Variants in SLC20A2 observed in about 807,000 individuals in gnomAD.
SLC20A2 encodes solute carrier family 20 member 2, also known as sodium-dependent phosphate transporter 2.
A neutral mutation model predicts 61.0 loss-of-function variants in SLC20A2; 30 were observed. That is an observed-to-expected ratio of 0.49 (90% CI 0.37 to 0.67). SLC20A2 has a LOEUF of 0.67. Ranked by LOEUF, SLC20A2 falls within the 30% of genes least tolerant of loss-of-function variation. The probability of loss-of-function intolerance (pLI) is 0.00; values close to 1 mark genes in which losing one functional copy is unlikely to be tolerated. For missense variants in SLC20A2, 626 were observed against 866.4 expected (o/e 0.72, Z 3.48); for synonymous variants, 351 against 353.3 (o/e 0.99, Z 0.07).
At chr8:42,435,618 C>T (rs369933325) in intron 8 of SLC20A2, among the ~76,000 whole-genome samples, 58 of 145,004 alleles carry the variant, frequency 4.0e-4, no homozygotes, top group African/African-American at 1.3e-3. Context: ...CAGGCCTGGG[C>T]GTGGGGTGGG....
intron 10 of SLC20A2, among the ~76,000 whole-genome samples, chr8:42,419,232 C>T (rs959356466): frequency 6.6e-6 from 1 of 152,002 alleles, no homozygotes; most frequent in Admixed American, 6.6e-5. Context: ...TCCCCTTCTG[C>T]TAAAGATTTC....
chr8:42,517,973 T>C (rs1377651674), intron 1 of SLC20A2, among the ~76,000 whole-genome samples: 5 of 152,286 alleles, frequency 3.3e-5, no homozygotes, highest in African/African-American at 1.2e-4. Context: ...CCGAGTCTTG[T>C]TCTGTCACCC....
upstream of SLC20A2, among the ~76,000 whole-genome samples, chr8:42,501,935 A>G (rs946549592): frequency 7.2e-5 from 11 of 152,258 alleles, no homozygotes; most frequent in African/African-American, 2.7e-4. Context: ...TGACACTTAA[A>G]AGAAAATCAG....
chr8:42,505,067 GA>G (rs145217738), upstream of SLC20A2, among the ~76,000 whole-genome samples: 2,179 of 148,746 alleles, frequency 0.015, 66 homozygotes, highest in African/African-American at 0.052. Flanking sequence ...GCGGGGAGAG[GA>G]AGGAGGGTGC....
chr8:42,531,985 ATT>A (rs11323818), intron 1 of SLC20A2, among the ~76,000 whole-genome samples: 167 of 143,354 alleles, frequency 1.2e-3, no homozygotes, highest in Non-Finnish European at 1.1e-3. Flanking sequence ...CGCCTGGCTA[ATT>A]TTTTTTTTTT....
chr8:42,455,666 G>A (rs940821665), intron 5 of SLC20A2, among the ~76,000 whole-genome samples: 1 of 151,912 alleles, frequency 6.6e-6, no homozygotes. Context: ...AAAAAAATTT[G>A]TTAAGGTTGA....
At chr8:42,530,746 T>TA (rs1445595618) in intron 1 of SLC20A2, among the ~76,000 whole-genome samples, 3 of 152,122 alleles carry the variant, frequency 2.0e-5, no homozygotes, top group Non-Finnish European at 4.4e-5. Flanking sequence ...GAGACAGTCT[T>TA]ACTCTGTCAC....
intron 1 of SLC20A2, among the ~76,000 whole-genome samples, chr8:42,526,029 G>A (rs1306949050): frequency 6.6e-6 from 1 of 152,202 alleles, no homozygotes; most frequent in Non-Finnish European, 1.5e-5. Context: ...CCCTCAAGGA[G>A]GTAGGCATAA....
intron 8 of SLC20A2, among the ~76,000 whole-genome samples, chr8:42,433,994 C>A (rs924139142): frequency 6.6e-6 from 1 of 152,178 alleles, no homozygotes; most frequent in African/African-American, 2.4e-5. Flanking sequence ...GTTACAATTT[C>A]TCTACATCCT....
intron 6 of SLC20A2, 124 bp downstream of exon 6, chr8:42,444,522 G>A (rs530084520): frequency 1.4e-6 from 1 of 714,184 alleles, no homozygotes; most frequent in African/African-American, 1.8e-5. Context: ...GACAGAGGAT[G>A]GGGTATGTTC....
chr8:42,476,197 C>G (rs1026780743), intron 1 of SLC20A2, among the ~76,000 whole-genome samples: 1 of 149,180 alleles, frequency 6.7e-6, no homozygotes, highest in Non-Finnish European at 1.5e-5. Flanking sequence ...CCTGGGTTCA[C>G]GCCATTCTCC....
intron 10 of SLC20A2, among the ~76,000 whole-genome samples, chr8:42,420,767 A>G (rs1475860270): frequency 6.6e-6 from 1 of 152,236 alleles, no homozygotes; most frequent in Non-Finnish European, 1.5e-5. Flanking sequence ...GGCATTAAGT[A>G]CAATCACATT....
intron 8 of SLC20A2, among the ~76,000 whole-genome samples, chr8:42,434,870 G>A (rs184716441): frequency 6.6e-6 from 1 of 152,130 alleles, no homozygotes; most frequent in African/African-American, 2.4e-5. Flanking sequence ...GTGTGTGAAT[G>A]TGCGTGAGTC....
At chr8:42,464,092 C>CTTTTTTTTTTTT in intron 3 of SLC20A2, among the ~76,000 whole-genome samples, 624 of 20,550 alleles carry the variant, frequency 0.03, 254 homozygotes, top group Non-Finnish European at 0.042. Context: ...GCTGGATGAT[C>CTTTTTTTTTTTT]TTTTTTTTTT....
chr8:42,424,009 G>A, intron 10 of SLC20A2, among the ~76,000 whole-genome samples: 1 of 152,168 alleles, frequency 6.6e-6, no homozygotes, highest in East Asian at 1.9e-4. Flanking sequence ...AATTGAAATG[G>A]TGGTTGAATC....
intron 1 of SLC20A2, among the ~76,000 whole-genome samples, chr8:42,526,351 C>T (rs1198265365): frequency 6.7e-6 from 1 of 150,062 alleles, no homozygotes; most frequent in Non-Finnish European, 1.5e-5. Context: ...CTGTCAAGGT[C>T]ATTTAAAAAA....
At chr8:42,474,549 A>T (rs991131121) in intron 1 of SLC20A2, among the ~76,000 whole-genome samples, 7 of 152,208 alleles carry the variant, frequency 4.6e-5, no homozygotes, top group African/African-American at 1.7e-4. Context: ...AGGCACACTA[A>T]ATCAATGCAT....
At chr8:42,523,084 G>A (rs1470170317) in intron 1 of SLC20A2, among the ~76,000 whole-genome samples, 3 of 152,050 alleles carry the variant, frequency 2.0e-5, no homozygotes, top group Non-Finnish European at 4.4e-5. Flanking sequence ...TGCAATCCCA[G>A]CACTTTGAGA....
chr8:42,494,725 A>G (rs1809786116), intron 1 of SLC20A2, among the ~76,000 whole-genome samples: 1 of 152,210 alleles, frequency 6.6e-6, no homozygotes, highest in African/African-American at 2.4e-5. Context: ...TTATTCAACT[A>G]TTAGGTCCAT....
Sources: gnomAD v4.1 joint callset for allele counts (sites outside exome capture counted in the v4.1 genomes callset) on GRCh38, gnomAD v4.1.1 for gene constraint, MANE v1.5 for transcripts, NCBI Gene and HGNC (gene_info 2026-07-23, HGNC 2026-07-21) for gene names.